AFF1: variants seen among roughly 807,000 people sequenced by gnomAD.
The protein encoded by AFF1 is AF4/FMR2 family member 1.
AFF1 carries 48 observed loss-of-function variants against 121.7 expected under a neutral mutation model. The observed-to-expected ratio is 0.39, with a 90% CI of 0.31 to 0.50. The LOEUF (loss-of-function observed/expected upper bound fraction) is 0.50, where lower values mean the gene tolerates loss of function less well. Among genes scored for constraint, AFF1 ranks in the 20% least tolerant of loss-of-function variants. AFF1 has a pLI of 0.76. For synonymous variants in AFF1, 613 were observed against 563.0 expected, an observed-to-expected ratio of 1.09 and a Z score of -1.26; for missense variants, 1,523 against 1,511.7, an observed-to-expected ratio of 1.01 and a Z score of -0.12.
intron 2 of AFF1, among the ~76,000 whole-genome samples, chr4:87,010,880 A>G (rs966669716): frequency 9.9e-5 from 15 of 152,082 alleles, no homozygotes; most frequent in African/African-American, 3.4e-4. Flanking sequence ...CGAGGTTAGG[A>G]GATCCAGACC....
chr4:87,092,461 C>T (rs989324864), intron 7 of AFF1, among the ~76,000 whole-genome samples: 1 of 152,144 alleles, frequency 6.6e-6, no homozygotes, highest in South Asian at 2.1e-4. Context: ...TTTTAAAAAA[C>T]AAAACTAAGA....
At chr4:87,085,192 A>G (rs913265875) in intron 5 of AFF1, among the ~76,000 whole-genome samples, 4 of 152,352 alleles carry the variant, frequency 2.6e-5, no homozygotes, top group African/African-American at 9.6e-5. Flanking sequence ...TTCCAGGGGA[A>G]AAATGTTAAC....
intron 8 of AFF1, among the ~76,000 whole-genome samples, chr4:87,104,824 C>T (rs949731832): frequency 6.6e-6 from 1 of 151,998 alleles, no homozygotes; most frequent in African/African-American, 2.4e-5. Flanking sequence ...CACCATAAGC[C>T]AGAATGCCTA....
In AFF1 at chr4:86,946,961, G is replaced by A. The variant is rs186589402; in HGVS notation, c.-36-1537G>A. ...TCAGATGCCTCTACAGAAGTGTTAT[G>A]AAGAATAATGCCAACAGGAATACAA... On this transcript the variant is annotated intron_variant, in intron 1 of 20. Transcript: ENST00000395146. Among the ~76,000 whole-genome samples, 10 of 152,262 alleles carry A rather than the reference G, an allele frequency of 6.6e-5. 1 individual carries two copies. In the East Asian group the frequency reaches 1.9e-3, roughly 29 times the overall value.
intron 4 of AFF1, among the ~76,000 whole-genome samples, chr4:87,057,855 G>C (rs1560582904): frequency 6.6e-6 from 1 of 152,096 alleles, no homozygotes; most frequent in Non-Finnish European, 1.5e-5. Flanking sequence ...TTAAGAATGG[G>C]TTTGCCATGG....
At chr4:86,985,124 TATA>T (rs1724102247) in intron 2 of AFF1, among the ~76,000 whole-genome samples, 1 of 110,996 alleles carries the variant, frequency 9.0e-6, no homozygotes, top group Admixed American at 1.1e-4. Flanking sequence ...TTAATAGTAA[TATA>T]ATATATATAA....
rs554127496 is a variant in AFF1 at position 86,985,573 on chromosome 4, G to A, written c.38+37002G>A. 9.2e-5 allele frequency among the ~76,000 whole-genome samples: 14 copies of A among 151,514 alleles called. 1 individual carries two copies. Among genetic ancestry groups the A allele is most frequent in the Middle Eastern group, 6.9e-3 (2 of 290 alleles). Reference sequence around the variant, plus strand: ...TGCCTGTAATCTCAGCTCCTCGGGAGGCTGAGGCAGGAGAATCGCTTGAAC... The same window carrying A: ...TGCCTGTAATCTCAGCTCCTCGGGAAGCTGAGGCAGGAGAATCGCTTGAAC... On this transcript the variant is annotated intron_variant, in intron 2 of 20. Transcript: ENST00000395146.
chr4:87,002,691 G>C (rs1358531246), intron 2 of AFF1, among the ~76,000 whole-genome samples: 2 of 152,088 alleles, frequency 1.3e-5, no homozygotes, highest in Non-Finnish European at 2.9e-5. Flanking sequence ...TTACAGGCAT[G>C]AGCCACCGTG....
intron 1 of AFF1, among the ~76,000 whole-genome samples, chr4:86,944,831 G>A (rs981398912): frequency 6.6e-5 from 10 of 152,038 alleles, no homozygotes; most frequent in Non-Finnish European, 1.3e-4. Flanking sequence ...TATGTATGTG[G>A]TGTGAGTGTC....
intron 4 of AFF1, 97 bp downstream of exon 4, chr4:87,047,691 A>G (rs763808395): frequency 2.0e-6 from 3 of 1,520,734 alleles, no homozygotes; most frequent in Non-Finnish European, 1.8e-6. Context: ...AGGTTAGTCC[A>G]TGGCTTTTGG....
chr4:87,064,787 G>C (rs1313304210), intron 4 of AFF1, among the ~76,000 whole-genome samples: 5 of 151,244 alleles, frequency 3.3e-5, no homozygotes, highest in African/African-American at 1.2e-4. Flanking sequence ...AAGGAGAATT[G>C]CTTGAACCCA....
rs559246210 is a variant in AFF1 at position 86,994,812 on chromosome 4, G to A, written c.38+46241G>A. On this transcript the variant is annotated intron_variant, in intron 2 of 20. Coordinates refer to ENST00000395146, the MANE Select transcript of AFF1 (RefSeq NM_001166693.3). Reference sequence around the variant, plus strand: ...ATGAAGAGAAAATACTGTCTGCAAAGGTTGGTGGCATTAGAGAACTGTGGG... The same window carrying A: ...ATGAAGAGAAAATACTGTCTGCAAAAGTTGGTGGCATTAGAGAACTGTGGG... 5.3e-5 allele frequency among the ~76,000 whole-genome samples: 8 copies of A among 152,310 alleles called. No individual in the cohort carries two copies. In the East Asian group the frequency reaches 1.4e-3, roughly 26 times the overall value.
At chr4:87,062,363 G>T (rs1213060765) in intron 4 of AFF1, among the ~76,000 whole-genome samples, 1 of 151,984 alleles carries the variant, frequency 6.6e-6, no homozygotes, top group Non-Finnish European at 1.5e-5. Context: ...CTTTATACAG[G>T]CACTGATCCC....
At chr4:87,116,597 G>C (rs1223629453) in intron 12 of AFF1, among the ~76,000 whole-genome samples, 1 of 152,190 alleles carries the variant, frequency 6.6e-6, no homozygotes, top group Non-Finnish European at 1.5e-5. Flanking sequence ...TCTGAGATTT[G>C]ACTGATTAAT....
intron 2 of AFF1, chr4:87,007,271 A>T (rs1726237125): frequency 1.3e-6 from 2 of 1,544,042 alleles, no homozygotes; most frequent in African/African-American, 2.7e-5. Context: ...GAGAGCAGGT[A>T]GTCCCGTAAC....
At chr4:86,940,224 T>G (rs1418913994) in intron 1 of AFF1, among the ~76,000 whole-genome samples, 1 of 152,164 alleles carries the variant, frequency 6.6e-6, no homozygotes, top group Non-Finnish European at 1.5e-5. Flanking sequence ...CCTGCCACAG[T>G]TTCATGGACC....
At chr4:87,064,944 TAGG>T (rs1232351137) in intron 4 of AFF1, among the ~76,000 whole-genome samples, 1 of 149,658 alleles carries the variant, frequency 6.7e-6, no homozygotes, top group African/African-American at 2.5e-5. Context: ...GAGGCTGAGG[TAGG>T]AGGATCACTT....
intron 4 of AFF1, among the ~76,000 whole-genome samples, chr4:87,070,221 C>T (rs1277951690): frequency 6.6e-6 from 1 of 152,244 alleles, no homozygotes; most frequent in African/African-American, 2.4e-5. Flanking sequence ...CGAGGCTAGT[C>T]TCAATCTCCT....
chr4:86,947,977 CCTTTTAATT>C (rs776735640), intron 1 of AFF1, among the ~76,000 whole-genome samples: 16 of 152,142 alleles, frequency 1.1e-4, no homozygotes, highest in Non-Finnish European at 2.2e-4. Context: ...ACCTTTTCTT[CCTTTTAATT>C]CTAGTGAGGA....
Sources: gnomAD v4.1 joint callset for allele counts (sites outside exome capture counted in the v4.1 genomes callset) on GRCh38, gnomAD v4.1.1 for gene constraint, MANE v1.5 for transcripts, NCBI Gene and HGNC (gene_info 2026-07-23, HGNC 2026-07-21) for gene names.